FYB1: variants seen among roughly 807,000 people sequenced by gnomAD.
FYB1 encodes the protein FYN binding protein 1.
A neutral mutation model predicts 94.1 loss-of-function variants in FYB1; 41 were observed. The ratio of observed to expected loss-of-function variants is 0.44; its 90% CI spans 0.34 to 0.57. The LOEUF is 0.57. Ranked by LOEUF, FYB1 falls within the 20% of genes least tolerant of loss-of-function variation. FYB1 has a pLI of 0.02. For synonymous variants in FYB1, 367 were observed against 353.2 expected (o/e 1.04, Z -0.44); for missense variants, 1,050 against 976.8 (o/e 1.07, Z -1.00).
At chr5:39,236,578 CA>C (rs1750976027) in intron 1 of FYB1, among the ~76,000 whole-genome samples, 1 of 151,964 alleles carries the variant, frequency 6.6e-6, no homozygotes, top group African/African-American at 2.4e-5. Flanking sequence ...ATTTTACAGT[CA>C]AAGGTTCTCA....
At chr5:39,239,901 T>G (rs1204723874) in intron 1 of FYB1, among the ~76,000 whole-genome samples, 1 of 152,090 alleles carries the variant, frequency 6.6e-6, no homozygotes, top group East Asian at 1.9e-4. Context: ...CATTACTCAA[T>G]TTCAAACTAT....
chr5:39,214,572 A>T (rs991789704), intron 1 of FYB1, among the ~76,000 whole-genome samples: 3 of 152,226 alleles, frequency 2.0e-5, no homozygotes, highest in African/African-American at 7.2e-5. Context: ...AAGGAAGGAA[A>T]TTCTGACATT....
intron 1 of FYB1, among the ~76,000 whole-genome samples, chr5:39,266,497 A>T (rs1206470876): frequency 6.6e-6 from 1 of 152,182 alleles, no homozygotes; most frequent in African/African-American, 2.4e-5. Flanking sequence ...TCATTCTCAC[A>T]CATTTCCACA....
intron 3 of FYB1, among the ~76,000 whole-genome samples, chr5:39,151,937 C>G (rs1743288072): frequency 6.6e-6 from 1 of 152,168 alleles, no homozygotes; most frequent in Non-Finnish European, 1.5e-5. Context: ...AACTTTTGAG[C>G]CCAAACATCA....
intron 2 of FYB1, among the ~76,000 whole-genome samples, chr5:39,161,673 C>A (rs1744260145): frequency 6.6e-6 from 1 of 151,494 alleles, no homozygotes; most frequent in South Asian, 2.1e-4. Flanking sequence ...TTTCTGGTCA[C>A]TTAGGTTATA....
At chr5:39,164,980 C>T (rs956445493) in intron 2 of FYB1, among the ~76,000 whole-genome samples, 11 of 152,128 alleles carry the variant, frequency 7.2e-5, no homozygotes, top group Admixed American at 2.0e-4. Flanking sequence ...GTGTTCTTAG[C>T]GTGACTCAAA....
At position 39,170,033 on chromosome 5, in the gene FYB1, T is replaced by C. The variant is rs7718719; in HGVS notation, c.1136-16429A>G. 154 of 777,162 alleles carry C rather than the reference T, an allele frequency of 2.0e-4. 2 individuals carry two copies. In the African/African-American group the frequency reaches 2.5e-3, roughly 13 times the overall value. 48.1% of individuals were successfully genotyped at this position (777,162 alleles called of 1,614,324 possible). On this transcript the variant is annotated intron_variant, in intron 2 of 18. Transcript: ENST00000512982. Reference sequence around the variant, plus strand: ...GGCCTAGGAACAGATGAATTTTCAATAGGATGAGAGGCCTCCACTGGTGTC... The same window carrying C: ...GGCCTAGGAACAGATGAATTTTCAACAGGATGAGAGGCCTCCACTGGTGTC...
At chr5:39,238,455 A>G (rs1751064079) in intron 1 of FYB1, among the ~76,000 whole-genome samples, 1 of 152,076 alleles carries the variant, frequency 6.6e-6, no homozygotes, top group Admixed American at 6.6e-5. Flanking sequence ...ATATCAAAAT[A>G]TTTAATTAAG....
rs777244519 is a variant in FYB1 at position 39,135,032 on chromosome 5, T to C, written c.1516-18A>G. ...CCTGTTAGCTGCAAAGAGAAAAAAA[T>C]AGTCACAAAAGATTTCCTTATAATT... On this transcript the variant is annotated intron_variant, in intron 7 of 18. Transcript: ENST00000512982. The C allele has an allele frequency of 6.2e-7, 1 of 1,608,654 alleles. No homozygotes were observed. Among genetic ancestry groups the C allele is most frequent in the Non-Finnish European group, 8.5e-7 (1 of 1,177,154 alleles).
At chr5:39,224,263 G>A (rs1750383206), upstream of FYB1, among the ~76,000 whole-genome samples, 2 of 152,156 alleles carry the variant, frequency 1.3e-5, no homozygotes, top group African/African-American at 2.4e-5. Flanking sequence ...TCATGAATGT[G>A]TTTGAAAGTG....
At chr5:39,161,435 C>T (rs1177577413) in intron 2 of FYB1, among the ~76,000 whole-genome samples, 1 of 152,130 alleles carries the variant, frequency 6.6e-6, no homozygotes, top group Admixed American at 6.5e-5. Context: ...TCAAAGACAA[C>T]AGTTGTTACT....
chr5:39,143,066 G>T lies in FYB1; in HGVS notation c.1293-1925C>A, dbSNP rs114250763. On this transcript the variant is annotated intron_variant, in intron 3 of 18. Coordinates refer to ENST00000512982, the MANE Select transcript of FYB1 (RefSeq NM_001465.6). ...TTCACTTTGCAGTTTTTCCTAAATG[G>T]TTTTATGTACCTCCATAGCTTTATA... 2.9e-3 allele frequency among the ~76,000 whole-genome samples: 443 copies of T among 152,190 alleles called. 2 individuals are homozygous for T. Among genetic ancestry groups the T allele is most frequent in the African/African-American group, 0.01 (434 of 41,526 alleles).
chr5:39,149,653 G>A (rs531843741), intron 3 of FYB1, among the ~76,000 whole-genome samples: 6 of 151,638 alleles, frequency 4.0e-5, no homozygotes, highest in Admixed American at 2.0e-4. Flanking sequence ...GCCTTGTATC[G>A]CCACCACTCC....
At chr5:39,223,694 C>T (rs144286753), upstream of FYB1, among the ~76,000 whole-genome samples, 6 of 152,082 alleles carry the variant, frequency 3.9e-5, no homozygotes, top group East Asian at 1.9e-4. Flanking sequence ...TCTTTGTGGA[C>T]GTAAAAACTA....
intron 2 of FYB1, among the ~76,000 whole-genome samples, chr5:39,174,901 C>T (rs904022023): frequency 6.6e-6 from 1 of 152,144 alleles, no homozygotes; most frequent in African/African-American, 2.4e-5. Flanking sequence ...AACTAATAGA[C>T]TAAGGGCGAA....
At chr5:39,150,453 A>G (rs1340393502) in intron 3 of FYB1, among the ~76,000 whole-genome samples, 2 of 152,114 alleles carry the variant, frequency 1.3e-5, no homozygotes, top group African/African-American at 4.8e-5. Context: ...TATAAAGCCA[A>G]CCTCCTCTGC....
intron 16 of FYB1, 55 bp downstream of exon 16, chr5:39,118,819 T>C: frequency 8.6e-7 from 1 of 1,162,528 alleles, no homozygotes. Flanking sequence ...TGTTTGGTTG[T>C]TAAATTCTGG....
chr5:39,139,194 AT>A (rs1580362952), intron 5 of FYB1, 38 bp downstream of exon 5: 1 of 1,436,518 alleles, frequency 7.0e-7, no homozygotes, highest in Non-Finnish European at 9.4e-7. Flanking sequence ...AAATATTCTG[AT>A]TATGTCAATA....
chr5:39,121,661 G>C lies in FYB1; in HGVS notation c.2138+675C>G, dbSNP rs1408345919. On this transcript the variant is annotated intron_variant, in intron 14 of 18. Transcript: ENST00000512982. ...TCATTTCATGTATTTATTGGATTATGAGAAAGCAACCTACCATGTTATTCT... is the reference window on the plus strand; with the variant it reads ...TCATTTCATGTATTTATTGGATTATCAGAAAGCAACCTACCATGTTATTCT... Among the ~76,000 whole-genome samples the C allele has an allele frequency of 2.0e-5, 3 of 151,948 alleles. No individual in the cohort carries two copies. The East Asian group carries it at 5.8e-4, about 29-fold the overall frequency.
Sources: gnomAD v4.1 joint callset for allele counts (sites outside exome capture counted in the v4.1 genomes callset) on GRCh38, gnomAD v4.1.1 for gene constraint, MANE v1.5 for transcripts, NCBI Gene and HGNC (gene_info 2026-07-23, HGNC 2026-07-21) for gene names.